Variants in SKA1 observed in about 807,000 individuals in gnomAD.
The protein encoded by SKA1 is spindle and kinetochore associated complex subunit 1, also known as SKA complex subunit 1.
Under a neutral mutation model 31.8 loss-of-function variants are expected in SKA1, and 20 were observed. That is an observed-to-expected ratio of 0.63 (90% confidence interval 0.44 to 0.91). The LOEUF (loss-of-function observed/expected upper bound fraction) is 0.91, where lower values mean the gene tolerates loss of function less well. Among genes scored for constraint, SKA1 ranks in the 40% least tolerant of loss-of-function variants. SKA1 has a pLI of 0.00. For missense variants in SKA1, 253 were observed against 298.2 expected, an observed-to-expected ratio of 0.85 and a Z score of 1.12; for synonymous variants, 88 against 100.5, an observed-to-expected ratio of 0.88 and a Z score of 0.74.
chr18:50,385,335 AG>A lies in SKA1; in HGVS notation c.432del (p.Glu144AspfsTer9), dbSNP rs1355454146. The A allele has an allele frequency of 6.2e-7, 1 of 1,610,170 alleles. No homozygotes were observed. The highest frequency in any genetic ancestry group is 1.3e-5 in the African/African-American group (1 of 74,816). ...IKEMPFITCD[E>X]FNGVPSYMKS... ...GAAATGCCATTTATAACTTGTGATG[AG>A]TTCAATGGTGTTCCTTCGTAAGTAT... is the stretch of plus-strand genomic sequence containing the variant. On this transcript the variant is annotated frameshift_variant, in exon 5 of 7. Transcript: ENST00000285116. LOFTEE classifies it high-confidence loss of function.
At chr18:50,391,410 G>C (rs543288525) in intron 6 of SKA1, 117 bp downstream of exon 6, 31 of 1,025,834 alleles carry the variant, frequency 3.0e-5, no homozygotes, top group Admixed American at 1.3e-4. Flanking sequence ...CCAACCAGGA[G>C]CAGTTATCCT....
At chr18:50,380,020 C>A in intron 2 of SKA1, 106 bp from the exon 3 acceptor site, 1 of 937,846 alleles carries the variant, frequency 1.1e-6, no homozygotes, top group South Asian at 2.4e-5. Flanking sequence ...GACCTTTTTC[C>A]ACCCCTCTCT....
In SKA1 at chr18:50,392,556, A is replaced by G. The variant is rs139146172; in HGVS notation, c.*309A>G. ...GCTAATTTTTGTATTTTTTGGAGAG[A>G]TGGGGTTTCACCATGTTGCCTAGGC... On this transcript the variant is annotated 3_prime_UTR_variant, in exon 7 of 7. Transcript: ENST00000285116. 3.2e-3 allele frequency: 541 copies of G among 168,818 alleles called. 1 individual carries two copies. The highest frequency in any genetic ancestry group is 0.012 in the African/African-American group (506 of 42,094). The allele number at this position is 168,818 out of a possible 1,614,324, so 10.5% of individuals were successfully genotyped here.
intron 4 of SKA1, 123 bp from the exon 5 acceptor site, chr18:50,385,093 T>A: frequency 1.4e-6 from 1 of 736,350 alleles, no homozygotes; most frequent in Non-Finnish European, 2.1e-6. Context: ...TAGAAAAAAA[T>A]GTTGGCAATA....
At chr18:50,390,879 A>G (rs16951860) in intron 5 of SKA1, among the ~76,000 whole-genome samples, 7,272 of 152,300 alleles carry the variant, frequency 0.048, 607 homozygotes, top group African/African-American at 0.17. Context: ...ATTTAAAATT[A>G]TAATATCAGT....
At chr18:50,390,592 C>T (rs2041348624) in intron 5 of SKA1, among the ~76,000 whole-genome samples, 1 of 152,186 alleles carries the variant, frequency 6.6e-6, no homozygotes, top group South Asian at 2.1e-4. Context: ...CAGTCACTCA[C>T]TCCTATATAT....
At chr18:50,391,085 A>T (rs1359577726) in intron 5 of SKA1, 39 bp from the exon 6 acceptor site, 1 of 1,365,142 alleles carries the variant, frequency 7.3e-7, no homozygotes, top group East Asian at 2.5e-5. Flanking sequence ...TTGTATGATG[A>T]TTCTTTAAAA....
intron 6 of SKA1, 114 bp from the exon 7 acceptor site, chr18:50,391,985 A>G (rs1264911581): frequency 1.4e-6 from 1 of 716,320 alleles, no homozygotes; most frequent in Non-Finnish European, 2.2e-6. Flanking sequence ...TCTTGGTTTT[A>G]TTGGATACTA....
intron 5 of SKA1, among the ~76,000 whole-genome samples, chr18:50,385,637 T>C (rs971021763): frequency 6.6e-6 from 1 of 152,184 alleles, no homozygotes; most frequent in African/African-American, 2.4e-5. Flanking sequence ...GCCTCAGTTT[T>C]GTGGTAATTT....
intron 4 of SKA1, among the ~76,000 whole-genome samples, chr18:50,382,658 C>T (rs2041272456): frequency 6.6e-6 from 1 of 151,880 alleles, no homozygotes; most frequent in Admixed American, 6.6e-5. Context: ...TGCCAAATGC[C>T]TCTGAGGGCA....
chr18:50,384,240 CATAATAACAGGT>C, intron 4 of SKA1, among the ~76,000 whole-genome samples: 1 of 152,290 alleles, frequency 6.6e-6, no homozygotes, highest in East Asian at 1.9e-4. Context: ...CTTAACTACA[CATAATAACAGGT>C]ATAAGAAATA....
intron 3 of SKA1, among the ~76,000 whole-genome samples, chr18:50,380,805 G>A (rs915927388): frequency 2.0e-5 from 3 of 152,186 alleles, no homozygotes; most frequent in Non-Finnish European, 4.4e-5. Flanking sequence ...TTCAAATTGA[G>A]TTCAGCTAAT....
At chr18:50,384,825 G>A (rs1417662355) in intron 4 of SKA1, among the ~76,000 whole-genome samples, 2 of 108,418 alleles carry the variant, frequency 1.8e-5, no homozygotes, top group Non-Finnish European at 3.3e-5. Flanking sequence ...CCTGCACAAT[G>A]TGCACATGTA....
At chr18:50,378,674 C>CAAA (rs60131407) in intron 2 of SKA1, among the ~76,000 whole-genome samples, 15 of 130,182 alleles carry the variant, frequency 1.2e-4, no homozygotes, top group Non-Finnish European at 2.0e-4. Context: ...GACCCTGTCT[C>CAAA]AAAAAAAAAA....
intron 4 of SKA1, among the ~76,000 whole-genome samples, chr18:50,383,735 T>C (rs1312767238): frequency 6.6e-6 from 1 of 152,190 alleles, no homozygotes; most frequent in African/African-American, 2.4e-5. Flanking sequence ...GCAGAACCTT[T>C]CTGTAGTTGA....
At position 50,382,182 on chromosome 18, in the gene SKA1, AAACGTTCCTTCCCATTTGCCTCAAGT is replaced by A; in HGVS notation, c.271_296del (p.Val91SerfsTer7). 6.5e-7 allele frequency: 1 copy of A among 1,544,774 alleles called. No individual in the cohort carries two copies. Among genetic ancestry groups the A allele is most frequent in the Non-Finnish European group, 8.7e-7 (1 of 1,154,880 alleles). On this transcript the variant is annotated frameshift_variant, in exon 4 of 7. Transcript: ENST00000285116. LOFTEE classifies it high-confidence loss of function. ...ACAAAGACATAGAACATCTTAAAGA[AAACGTTCCTTCCCATTTGCCTCAAGT>A]AACAGTAACCCAGAGCTGGTAAGTG...
chr18:50,383,246 T>G (rs1026664682), intron 4 of SKA1, among the ~76,000 whole-genome samples: 1 of 152,164 alleles, frequency 6.6e-6, no homozygotes, highest in Non-Finnish European at 1.5e-5. Flanking sequence ...TCAGCCCTGG[T>G]TCTACTTCTA....
chr18:50,392,243 C>T lies in SKA1; in HGVS notation c.764C>T (p.Thr255Ile). 1 of 1,557,622 alleles carries T rather than the reference C, an allele frequency of 6.4e-7. No homozygotes were observed. The highest frequency in any genetic ancestry group is 1.2e-5 in the South Asian group (1 of 80,808). ...GGAGGACTTACTCGTTATGTTATAA[C>T]CTGAGTCCCTTGTGAACTTTTGAAC... is the stretch of plus-strand genomic sequence containing the variant. ...RGGGLTRYVI[T>I] Residue 255 changes from threonine to isoleucine, a missense_variant, in exon 7 of 7, where the codon ACC (threonine) becomes ATC (isoleucine). Transcript: ENST00000285116.
At position 50,392,376 on chromosome 18, in the gene SKA1, TCTTGCTTTGTCACCCAGGGG is replaced by T. The variant is rs574250904; in HGVS notation, c.*143_*162del. On this transcript the variant is annotated 3_prime_UTR_variant, in exon 7 of 7. Transcript: ENST00000285116. ...CCTTTTTTTTTTTTTTGAGACAGGA[TCTTGCTTTGTCACCCAGGGG>T]CTTGCTTTGTCACGCAGGCTAGAGT... 3.5e-6 allele frequency: 2 copies of T among 568,760 alleles called. No individual in the cohort carries two copies. The highest frequency in any genetic ancestry group is 3.7e-5 in the East Asian group (1 of 27,018). 35.2% of individuals were successfully genotyped at this position (568,760 alleles called of 1,614,324 possible).
Sources: allele counts gnomAD v4.1 joint callset (sites outside exome capture counted in the v4.1 genomes callset), GRCh38; gene constraint gnomAD v4.1.1; transcripts MANE v1.5; gene names NCBI Gene and HGNC (gene_info 2026-07-23, HGNC 2026-07-21).